MTUS1: variants seen among roughly 807,000 people sequenced by gnomAD.
MTUS1 encodes the protein microtubule-associated tumor suppressor 1.
MTUS1 carries 109 observed loss-of-function variants against 120.8 expected under a neutral mutation model. That is an observed-to-expected ratio of 0.90 (90% CI 0.77 to 1.06). The LOEUF (loss-of-function observed/expected upper bound fraction) is 1.06, where lower values mean the gene tolerates loss of function less well. Among genes scored for constraint, MTUS1 ranks in the 50% least tolerant of loss-of-function variants. MTUS1 has a pLI of 0.00. For missense variants in MTUS1, 2,210 were observed against 1,486.3 expected (o/e 1.49, Z -8.01); for synonymous variants, 737 against 550.5 (o/e 1.34, Z -4.74).
chr8:17,714,404 C>A (rs902757340), intron 5 of MTUS1, among the ~76,000 whole-genome samples: 4 of 152,150 alleles, frequency 2.6e-5, no homozygotes, highest in African/African-American at 4.8e-5. Flanking sequence ...TAGATATTAA[C>A]AATCCAAAGA....
At chr8:17,762,792 G>C (rs1028124316) in intron 1 of MTUS1, among the ~76,000 whole-genome samples, 3 of 152,100 alleles carry the variant, frequency 2.0e-5, no homozygotes, top group African/African-American at 7.2e-5. Context: ...CCTTTGGTTG[G>C]TCAACTGACT....
chr8:17,660,880 G>C (rs1339111016), intron 8 of MTUS1, among the ~76,000 whole-genome samples: 1 of 152,156 alleles, frequency 6.6e-6, no homozygotes, highest in East Asian at 1.9e-4. Flanking sequence ...TGGTGATTAA[G>C]AAACTCACAA....
In MTUS1 at chr8:17,767,700, T is replaced by TAAGAAAAAAAAAAAAAAAAAAA. The variant is rs1554533204; in HGVS notation, c.-154-11740_-154-11739insTTTTTTTTTTTTTTTTTTTCTT. ...GGTGATAGAGCAAGACCCTGTCTCT[T>TAAGAAAAAAAAAAAAAAAAAAA]AAAAAAAAAAAAAAAAAACGGTGTG... is the stretch of plus-strand genomic sequence containing the variant. On this transcript the variant is annotated intron_variant, in intron 1 of 14. Coordinates refer to ENST00000693296, the MANE Select transcript of MTUS1 (RefSeq NM_001363059.2). Among the ~76,000 whole-genome samples, 4 of 87,872 alleles carry TAAGAAAAAAAAAAAAAAAAAAA rather than the reference T, an allele frequency of 4.6e-5. 1 individual carries two copies. Among genetic ancestry groups the TAAGAAAAAAAAAAAAAAAAAAA allele is most frequent in the African/African-American group, 2.0e-4 (4 of 19,662 alleles). The allele number at this position is 87,872 out of a possible 152,430, so 57.6% of individuals were successfully genotyped here.
At chr8:17,654,388 T>C (rs749042677) in intron 10 of MTUS1, 173 bp downstream of exon 10, 2 of 594,716 alleles carry the variant, frequency 3.4e-6, no homozygotes, top group Non-Finnish European at 6.0e-6. Flanking sequence ...GCATCCTTAG[T>C]GGGAAAAGGC....
intron 8 of MTUS1, among the ~76,000 whole-genome samples, chr8:17,665,419 T>C (rs560959757): frequency 8.5e-5 from 13 of 152,362 alleles, no homozygotes; most frequent in Non-Finnish European, 1.8e-4. Flanking sequence ...TTGTTTCATT[T>C]AATGTAACAA....
chr8:17,762,584 T>C (rs578239287), intron 1 of MTUS1, among the ~76,000 whole-genome samples: 15 of 152,296 alleles, frequency 9.8e-5, no homozygotes, highest in African/African-American at 3.6e-4. Context: ...CCTAAAAGCA[T>C]AACGATTTCC....
At chr8:17,721,341 G>C (rs1192048556) in intron 4 of MTUS1, among the ~76,000 whole-genome samples, 1 of 152,106 alleles carries the variant, frequency 6.6e-6, no homozygotes, top group Non-Finnish European at 1.5e-5. Context: ...AAGATGTGAT[G>C]TTTCCATTTT....
intron 6 of MTUS1, among the ~76,000 whole-genome samples, chr8:17,708,415 T>C (rs915041850): frequency 2.0e-4 from 30 of 152,150 alleles, no homozygotes; most frequent in African/African-American, 6.5e-4. Context: ...TCATACCCAG[T>C]AGGGATAGCT....
intron 6 of MTUS1, among the ~76,000 whole-genome samples, chr8:17,698,783 G>A (rs1234385215): frequency 6.6e-6 from 1 of 152,098 alleles, no homozygotes; most frequent in African/African-American, 2.4e-5. Context: ...GTCAGCAAGA[G>A]AGACAGACCC....
chr8:17,707,353 T>C (rs1194633403), intron 6 of MTUS1, among the ~76,000 whole-genome samples: 1 of 152,232 alleles, frequency 6.6e-6, no homozygotes, highest in African/African-American at 2.4e-5. Context: ...TGTGGTCCTC[T>C]GTCCACACAG....
intron 8 of MTUS1, among the ~76,000 whole-genome samples, chr8:17,666,803 G>A (rs1345731265): frequency 1.3e-5 from 2 of 152,128 alleles, no homozygotes; most frequent in African/African-American, 4.8e-5. Context: ...TAATTGGGAA[G>A]CACCTATTAC....
intron 6 of MTUS1, among the ~76,000 whole-genome samples, chr8:17,696,596 C>A (rs1368255857): frequency 6.6e-6 from 1 of 152,168 alleles, no homozygotes; most frequent in Non-Finnish European, 1.5e-5. Context: ...AGTGAGCAGA[C>A]AGGTCACCAC....
At chr8:17,685,889 T>C (rs142869315) in intron 6 of MTUS1, among the ~76,000 whole-genome samples, 1 of 152,346 alleles carries the variant, frequency 6.6e-6, no homozygotes, top group Non-Finnish European at 1.5e-5. Context: ...AGCTTATGAA[T>C]AATTGTCACT....
At chr8:17,722,972 C>T (rs2045946431) in intron 4 of MTUS1, among the ~76,000 whole-genome samples, 1 of 152,172 alleles carries the variant, frequency 6.6e-6, no homozygotes, top group Admixed American at 6.5e-5. Context: ...CATGAAAATA[C>T]CTTCTTTTTC....
chr8:17,715,417 G>C (rs182336213), intron 5 of MTUS1, among the ~76,000 whole-genome samples: 4 of 152,246 alleles, frequency 2.6e-5, no homozygotes, highest in Non-Finnish European at 5.9e-5. Flanking sequence ...CACAAGTACA[G>C]TAATAAACAT....
At chr8:17,656,240 C>G (rs1164193737) in intron 8 of MTUS1, among the ~76,000 whole-genome samples, 175 bp from the exon 9 acceptor site, 1 of 152,054 alleles carries the variant, frequency 6.6e-6, no homozygotes, top group Non-Finnish European at 1.5e-5. Flanking sequence ...TAAAAAGGAA[C>G]ACGAGGGCAG....
chr8:17,786,493 G>A (rs1057057172), intron 1 of MTUS1, among the ~76,000 whole-genome samples: 10 of 152,182 alleles, frequency 6.6e-5, no homozygotes, highest in Admixed American at 1.3e-4. Context: ...GATAGGAAGC[G>A]TGAACTGACC....
rs769418120 is a variant in MTUS1 at position 17,658,411 on chromosome 8, A to T, written c.2906-2346T>A. 3.0e-4 allele frequency among the ~76,000 whole-genome samples: 46 copies of T among 152,242 alleles called. 1 individual carries two copies. The highest frequency in any genetic ancestry group is 1.5e-4 in the Non-Finnish European group (10 of 68,048). On this transcript the variant is annotated intron_variant, in intron 8 of 14. Coordinates refer to ENST00000693296, the MANE Select transcript of MTUS1 (RefSeq NM_001363059.2). ...TGACTAACAATATAATACATGGCAG[A>T]ACACAACCAAAGATATATGTACACA...
intron 7 of MTUS1, chr8:17,676,450 T>C (rs1016970872): frequency 1.5e-5 from 10 of 648,838 alleles, no homozygotes; most frequent in Middle Eastern, 3.9e-4. Context: ...GGCGCGCCAT[T>C]GGCCCTCGGG....
Sources: gnomAD v4.1 joint callset for allele counts (sites outside exome capture counted in the v4.1 genomes callset) on GRCh38, gnomAD v4.1.1 for gene constraint, MANE v1.5 for transcripts, NCBI Gene and HGNC (gene_info 2026-07-23, HGNC 2026-07-21) for gene names.